LYN: variants seen among roughly 807,000 people sequenced by gnomAD.
LYN encodes LYN proto-oncogene, Src family tyrosine kinase, also known as tyrosine-protein kinase Lyn.
Under a neutral mutation model 65.0 loss-of-function variants are expected in LYN, and 12 were observed. The observed-to-expected ratio is 0.18, with a 90% CI of 0.12 to 0.30. LYN has a LOEUF of 0.30. LYN is among the 10% of genes least tolerant of loss of function. The probability of loss-of-function intolerance (pLI) is 1.00; values close to 1 mark genes in which losing one functional copy is unlikely to be tolerated. For missense variants in LYN, 380 were observed against 623.2 expected, an observed-to-expected ratio of 0.61 and a Z score of 4.16; for synonymous variants, 222 against 221.2, an observed-to-expected ratio of 1.00 and a Z score of -0.03.
intron 9 of LYN, among the ~76,000 whole-genome samples, chr8:55,968,018 CTG>C (rs1315904043): frequency 6.6e-6 from 1 of 152,096 alleles, no homozygotes; most frequent in East Asian, 1.9e-4. Context: ...TATTTAATAT[CTG>C]TGAGTATTTC....
chr8:56,007,233 A>G (rs560620805), intron 12 of LYN, among the ~76,000 whole-genome samples: 1 of 152,224 alleles, frequency 6.6e-6, no homozygotes, highest in Non-Finnish European at 1.5e-5. Flanking sequence ...ACTGGATGTT[A>G]GTCCTCCCAC....
chr8:55,926,666 G>GAGTA, intron 1 of LYN, among the ~76,000 whole-genome samples: 1 of 152,180 alleles, frequency 6.6e-6, no homozygotes, highest in South Asian at 2.1e-4. Context: ...TAATTGTAAA[G>GAGTA]ACTATTGGGT....
At chr8:55,887,223 G>A (rs1272758896) in intron 1 of LYN, among the ~76,000 whole-genome samples, 1 of 152,208 alleles carries the variant, frequency 6.6e-6, no homozygotes. Context: ...GGGAGCATGA[G>A]GCAGGAGGAT....
intron 1 of LYN, among the ~76,000 whole-genome samples, chr8:55,890,682 G>A (rs1334980303): frequency 1.3e-5 from 2 of 151,408 alleles, no homozygotes; most frequent in African/African-American, 4.9e-5. Flanking sequence ...AGTAACTCAT[G>A]TTCATCAATG....
intron 1 of LYN, among the ~76,000 whole-genome samples, chr8:55,906,419 G>A (rs1805420925): frequency 6.6e-6 from 1 of 152,000 alleles, no homozygotes; most frequent in African/African-American, 2.4e-5. Flanking sequence ...CCCAGCAATG[G>A]CGTGATTTCG....
chr8:56,009,898 T>A lies in LYN; in HGVS notation c.1337-10T>A. ...TGGGTTTCTGTTCTTTTTGTTTTTTTCCACCCTAGGGAGAACTAATGCCGA... is the reference window on the plus strand; with the variant it reads ...TGGGTTTCTGTTCTTTTTGTTTTTTACCACCCTAGGGAGAACTAATGCCGA... On this transcript the variant is annotated splice_polypyrimidine_tract_variant and intron_variant, in intron 12 of 12. Coordinates refer to ENST00000519728, the MANE Select transcript of LYN (RefSeq NM_002350.4). 6.2e-7 allele frequency: 1 copy of A among 1,612,348 alleles called. No individual in the cohort carries two copies. The highest frequency in any genetic ancestry group is 1.1e-5 in the South Asian group (1 of 90,904).
chr8:55,940,966 G>A (rs573832137), intron 1 of LYN, among the ~76,000 whole-genome samples: 9 of 152,150 alleles, frequency 5.9e-5, no homozygotes, highest in Non-Finnish European at 1.0e-4. Context: ...CTGGTTTCCT[G>A]ACTCAAGTAG....
chr8:55,911,190 CACACACACATAT>C (rs1805615547), intron 1 of LYN, among the ~76,000 whole-genome samples: 1 of 11,578 alleles, frequency 8.6e-5, no homozygotes, highest in Non-Finnish European at 2.4e-4. Context: ...TATATATATA[CACACACACATAT>C]ATATATACAC....
intron 1 of LYN, among the ~76,000 whole-genome samples, chr8:55,923,008 C>A (rs916411486): frequency 3.9e-5 from 6 of 151,970 alleles, no homozygotes; most frequent in African/African-American, 1.2e-4. Flanking sequence ...AATCCAAGTG[C>A]AATTATATCG....
In LYN at chr8:55,925,629, A is replaced by G. The variant is rs181784915; in HGVS notation, c.-5-16226A>G. On this transcript the variant is annotated intron_variant, in intron 1 of 12. Transcript: ENST00000519728. ...CAGCCATGCGGGGATGGGCGTTATT[A>G]TTACCTTTTTCATGGGTGAGGAAGC... Among the ~76,000 whole-genome samples, 157 of 152,182 alleles carry G rather than the reference A, an allele frequency of 1.0e-3. 1 individual carries two copies. The highest frequency in any genetic ancestry group is 3.6e-3 in the African/African-American group (150 of 41,514).
Position 55,952,105 on chromosome 8 carries a change from A to T in LYN, c.627A>T (p.Lys209Asn). The change falls in exon 7 of 13, where the codon AAA becomes AAT. Residue 209 changes from lysine (K) to asparagine (N), a missense_variant. This residue lies in a region of LYN where 223 missense variants were observed against 430.0 expected (regional missense o/e 0.52). Transcript: ENST00000519728. ...ITFPCISDMI[K>N]HYQKQADGLC... ...TTCCCTGTATCAGCGACATGATTAA[A>T]CATTACCAAAGTAAGTAAAAACTGA... 6.3e-7 allele frequency: 1 copy of T among 1,589,814 alleles called. No individual in the cohort carries two copies. Among genetic ancestry groups the T allele is most frequent in the Non-Finnish European group, 8.5e-7 (1 of 1,172,746 alleles).
intron 1 of LYN, among the ~76,000 whole-genome samples, chr8:55,925,878 C>T (rs2130442123): frequency 6.6e-6 from 1 of 152,192 alleles, no homozygotes; most frequent in African/African-American, 2.4e-5. Flanking sequence ...AAAAGAAAAA[C>T]CAACTCACCA....
chr8:56,004,688 C>T (rs1808627329), intron 12 of LYN, among the ~76,000 whole-genome samples: 1 of 152,188 alleles, frequency 6.6e-6, no homozygotes, highest in African/African-American at 2.4e-5. Flanking sequence ...CTAGCGTTTG[C>T]TGCATATAGT....
At chr8:55,992,860 C>T (rs1808286374) in intron 10 of LYN, among the ~76,000 whole-genome samples, 1 of 152,146 alleles carries the variant, frequency 6.6e-6, no homozygotes, top group Non-Finnish European at 1.5e-5. Flanking sequence ...TTATAAGGGC[C>T]TTAATCCAAT....
Position 56,010,202 on chromosome 8 carries a change from C to G in LYN, c.*92C>G. The G allele has an allele frequency of 7.8e-7, 1 of 1,285,636 alleles. No individual in the cohort carries two copies. The highest frequency in any genetic ancestry group is 1.1e-6 in the Non-Finnish European group (1 of 899,830). 79.6% of individuals were successfully genotyped at this position (1,285,636 alleles called of 1,614,324 possible). Reference sequence around the variant, plus strand: ...CTGGTTGCACTTATGATTTCATGTGCGGGGATCATCTGCCGTGCCTGGATC... The same window carrying G: ...CTGGTTGCACTTATGATTTCATGTGGGGGGATCATCTGCCGTGCCTGGATC... On this transcript the variant is annotated 3_prime_UTR_variant, in exon 13 of 13. Coordinates refer to ENST00000519728, the MANE Select transcript of LYN (RefSeq NM_002350.4).
intron 2 of LYN, among the ~76,000 whole-genome samples, chr8:55,945,380 A>G (rs1563522692): frequency 6.6e-6 from 1 of 152,246 alleles, no homozygotes; most frequent in Non-Finnish European, 1.5e-5. Context: ...TGACTAAAAA[A>G]TCAACATAAA....
rs191863340 is a variant in LYN at position 55,931,552 on chromosome 8, C to T, written c.-5-10303C>T. On this transcript the variant is annotated intron_variant, in intron 1 of 12. Transcript: ENST00000519728. ...CAAAAATAGCTGTAGATGAACATTGCGGTAGTTTAGCCTATTTCTTTTCAG... is the reference window on the plus strand; with the variant it reads ...CAAAAATAGCTGTAGATGAACATTGTGGTAGTTTAGCCTATTTCTTTTCAG... Among the ~76,000 whole-genome samples the T allele has an allele frequency of 8.8e-4, 134 of 151,962 alleles. 3 individuals carry two copies. Among genetic ancestry groups the T allele is most frequent in the African/African-American group, 4.3e-4 (18 of 41,486 alleles).
intron 1 of LYN, among the ~76,000 whole-genome samples, chr8:55,896,047 AC>A (rs1393867261): frequency 6.6e-6 from 1 of 151,932 alleles, no homozygotes; most frequent in Non-Finnish European, 1.5e-5. Context: ...CAAAGAGAAC[AC>A]CTTTTCTTTT....
At chr8:55,979,887 A>T (rs992377606) in intron 10 of LYN, among the ~76,000 whole-genome samples, 3 of 152,038 alleles carry the variant, frequency 2.0e-5, no homozygotes, top group Non-Finnish European at 4.4e-5. Flanking sequence ...GGTGCGGAAG[A>T]CCCCACCCGA....
Sources: allele counts gnomAD v4.1 joint callset (sites outside exome capture counted in the v4.1 genomes callset), GRCh38; gene constraint gnomAD v4.1.1; regional missense constraint gnomAD v4.1.1; transcripts MANE v1.5; gene names NCBI Gene and HGNC (gene_info 2026-07-23, HGNC 2026-07-21).